PABIR2: variants seen among roughly 807,000 people sequenced by gnomAD.
PABIR2 encodes the protein PABIR family member 2.
A neutral mutation model predicts 22.8 loss-of-function variants in PABIR2; 7 were observed. The observed-to-expected ratio is 0.31, with a 90% CI of 0.17 to 0.58. The LOEUF (loss-of-function observed/expected upper bound fraction) is 0.58, where lower values mean the gene tolerates loss of function less well. PABIR2 is among the 20% of genes least tolerant of loss of function. The pLI is 0.89. For synonymous variants in PABIR2, 67 were observed against 73.8 expected (o/e 0.91, Z 0.47); for missense variants, 155 against 205.1 (o/e 0.76, Z 1.49).
intron 9 of PABIR2, among the ~76,000 whole-genome samples, chrX:134,775,473 T>A (rs1221106113): frequency 1.0e-5 from 1 of 95,623 alleles, no homozygotes; most frequent in African/African-American, 4.1e-5. Flanking sequence ...GAGCTGAGAT[T>A]GCACCACTGC....
intron 9 of PABIR2, among the ~76,000 whole-genome samples, chrX:134,780,553 T>C (rs910198050): frequency 8.9e-6 from 1 of 111,808 alleles, no homozygotes; most frequent in African/African-American, 3.3e-5. Context: ...CACTCCAGAC[T>C]GGGCAACAGA....
chrX:134,792,222 A>G (rs2079567796), intron 2 of PABIR2, among the ~76,000 whole-genome samples: 1 of 112,125 alleles, frequency 8.9e-6, no homozygotes. Context: ...GGAGAGGGGT[A>G]GGAATGAAAA....
intron 8 of PABIR2, among the ~76,000 whole-genome samples, chrX:134,784,902 A>C (rs1432598642): frequency 1.8e-5 from 2 of 111,720 alleles, no homozygotes; most frequent in Admixed American, 9.6e-5. Context: ...TTATATAAAA[A>C]ACTCCATAGA....
At position 134,771,197 on chromosome X, in the gene PABIR2, C is replaced by T; in HGVS notation, c.*942G>A. Reference sequence around the variant, plus strand: ...ACATCCCTTATAGCATGACAATGTACCCCAAGGCACCTGAGGCCTCATAAT... The same window carrying T: ...ACATCCCTTATAGCATGACAATGTATCCCAAGGCACCTGAGGCCTCATAAT... On this transcript the variant is annotated 3_prime_UTR_variant, in exon 10 of 10. Transcript: ENST00000343004. The T allele has an allele frequency of 1.2e-6, 1 of 853,656 alleles. No individual in the cohort carries two copies. Among genetic ancestry groups the T allele is most frequent in the Admixed American group, 3.7e-5 (1 of 26,758 alleles). The allele number at this position is 853,656 out of a possible 1,213,427, so 70.4% of individuals were successfully genotyped here. A position where few individuals can be genotyped will look rare whatever the true frequency, so the allele number is the denominator to read the frequency against.
In PABIR2 at chrX:134,789,623, G is replaced by A; in HGVS notation, c.191C>T (p.Ser64Leu). Reference protein sequence around the residue: ...MSRHSLLLSSSPNRIPSSRLH... With the variant: ...MSRHSLLLSSLPNRIPSSRLH... ...TCTGCTACTAGGAATACGATTAGGT[G>A]AGGATGACAGCAACTGGAAAGAAAA... The change falls in exon 3 of 10, where the codon TCA becomes TTA. Residue 64 changes from serine (S) to leucine (L), a missense_variant. Ser to Leu is a moderately radical substitution (Grantham distance 145, BLOSUM62 -2). Coordinates refer to ENST00000343004, the MANE Select transcript of PABIR2 (RefSeq NM_001387468.1). 8.7e-7 allele frequency: 1 copy of A among 1,153,968 alleles called. No individual in the cohort carries two copies.
At position 134,781,076 on chromosome X, in the gene PABIR2, C is replaced by G. The variant is rs745353231; in HGVS notation, c.659+745G>C. Among the ~76,000 whole-genome samples the G allele has an allele frequency of 4.4e-5, 5 of 112,446 alleles. No homozygotes were observed. The South Asian group carries it at 1.8e-3, about 42-fold the overall frequency. ...GCAGCTACAATCAATACACATTACCCACAGCCACCCAGAGACTCTTTCTCA... is the reference window on the plus strand; with the variant it reads ...GCAGCTACAATCAATACACATTACCGACAGCCACCCAGAGACTCTTTCTCA... On this transcript the variant is annotated intron_variant, in intron 9 of 9. Coordinates refer to ENST00000343004, the MANE Select transcript of PABIR2 (RefSeq NM_001387468.1).
intron 6 of PABIR2, 78 bp from the exon 7 acceptor site, chrX:134,787,611 T>TTTTTTTTTTTTTTTTTTTTTTTTA: frequency 8.8e-6 from 1 of 113,524 alleles, no homozygotes; most frequent in Non-Finnish European, 1.5e-5. Context: ...GTTTTCTTTC[T>TTTTTTTTTTTTTTTTTTTTTTTTA]TTTTTTTTTT....
intron 8 of PABIR2, among the ~76,000 whole-genome samples, chrX:134,782,742 T>C (rs1415103984): frequency 2.7e-5 from 3 of 112,230 alleles, no homozygotes; most frequent in Admixed American, 9.5e-5. Context: ...AGTAGAAAAT[T>C]AGTAACTTTG....
intron 1 of PABIR2, among the ~76,000 whole-genome samples, chrX:134,795,503 G>T (rs1394170205): frequency 9.0e-6 from 1 of 111,266 alleles, no homozygotes; most frequent in East Asian, 2.8e-4. Flanking sequence ...TTGAAGAGTC[G>T]ATTCTCTCCA....
At chrX:134,790,539 T>G (rs183339716) in intron 2 of PABIR2, among the ~76,000 whole-genome samples, 144 of 112,233 alleles carry the variant, frequency 1.3e-3, no homozygotes, top group African/African-American at 4.7e-3. Flanking sequence ...TGCTCTAAGT[T>G]TCTTTTTATT....
chrX:134,783,454 C>T (rs981015498), intron 8 of PABIR2, among the ~76,000 whole-genome samples: 3 of 112,340 alleles, frequency 2.7e-5, no homozygotes, highest in Non-Finnish European at 5.6e-5. Flanking sequence ...TGGCCAGGCA[C>T]GGTGGCTCAC....
In PABIR2 at chrX:134,772,105, C is replaced by A; in HGVS notation, c.*34G>T. ...CCCACTAAACATTTTATGTAGGAAA[C>A]AGCAGTTAAAACGTTGAATCAGAAA... On this transcript the variant is annotated 3_prime_UTR_variant, in exon 10 of 10. Transcript: ENST00000343004. 8.6e-7 allele frequency: 1 copy of A among 1,168,765 alleles called. No homozygotes were observed. Among genetic ancestry groups the A allele is most frequent in the Non-Finnish European group, 1.1e-6 (1 of 869,935 alleles).
chrX:134,795,170 A>G (rs778794103), intron 1 of PABIR2, among the ~76,000 whole-genome samples: 5 of 112,153 alleles, frequency 4.5e-5, no homozygotes, highest in African/African-American at 1.3e-4. Context: ...TACTTAATAA[A>G]TGAAAAAGTC....
At chrX:134,773,986 T>C (rs1042565283) in intron 9 of PABIR2, among the ~76,000 whole-genome samples, 12 of 111,655 alleles carry the variant, frequency 1.1e-4, no homozygotes, top group Middle Eastern at 4.2e-3. Context: ...TTTCATTCCA[T>C]TGCTTGTGGA....
At chrX:134,781,676 C>T (rs1160913292) in intron 9 of PABIR2, 145 bp downstream of exon 9, 1 of 329,501 alleles carries the variant, frequency 3.0e-6, no homozygotes, top group African/African-American at 2.7e-5. Flanking sequence ...ATAATATTGT[C>T]ACATCCCCAA....
chrX:134,777,079 C>T (rs1482929922), intron 9 of PABIR2, among the ~76,000 whole-genome samples: 2 of 112,098 alleles, frequency 1.8e-5, no homozygotes, highest in African/African-American at 6.5e-5. Flanking sequence ...AAAAAATTAG[C>T]CGCAGCCCTA....
intron 8 of PABIR2, among the ~76,000 whole-genome samples, chrX:134,783,259 C>A (rs2079204771): frequency 8.9e-6 from 1 of 111,974 alleles, no homozygotes; most frequent in Admixed American, 9.5e-5. Context: ...CCAGAGCACA[C>A]CATCTTTAAT....
chrX:134,793,394 T>C (rs2079607990), intron 2 of PABIR2, among the ~76,000 whole-genome samples: 1 of 112,513 alleles, frequency 8.9e-6, no homozygotes, highest in African/African-American at 3.2e-5. Context: ...AGAATATAAA[T>C]ACAAGCATTT....
At position 134,771,265 on chromosome X, in the gene PABIR2, A is replaced by C. The variant is rs773781325; in HGVS notation, c.*874T>G. ...CAGCTCCATGGACGCTTTTGTACAC[A>C]GTGGTTTGTGTGTAAATAACTATTC... On this transcript the variant is annotated 3_prime_UTR_variant, in exon 10 of 10. Transcript: ENST00000343004. The C allele has an allele frequency of 1.8e-5, 21 of 1,146,428 alleles. No individual in the cohort carries two copies. The African/African-American group carries it at 3.3e-4, about 18-fold the overall frequency. The allele number at this position is 1,146,428 out of a possible 1,213,427, so 94.5% of individuals were successfully genotyped here.
Sources: allele counts gnomAD v4.1 joint callset (sites outside exome capture counted in the v4.1 genomes callset), GRCh38; gene constraint gnomAD v4.1.1; transcripts MANE v1.5; gene names NCBI Gene and HGNC (gene_info 2026-07-23, HGNC 2026-07-21).